PBX3: variants seen among roughly 807,000 people sequenced by gnomAD.
The protein encoded by PBX3 is PBX homeobox 3.
Under a neutral mutation model 48.5 loss-of-function variants are expected in PBX3, and 14 were observed. That is an observed-to-expected ratio of 0.29 (90% confidence interval 0.19 to 0.45). PBX3 has a LOEUF of 0.45. Among genes scored for constraint, PBX3 ranks in the 20% least tolerant of loss-of-function variants. PBX3 has a pLI of 1.00. For missense variants in PBX3, 386 were observed against 546.7 expected (o/e 0.71, Z 2.93); for synonymous variants, 210 against 200.3 (o/e 1.05, Z -0.41).
chr9:125,784,754 T>G (rs1837417056), intron 2 of PBX3, among the ~76,000 whole-genome samples: 1 of 152,150 alleles, frequency 6.6e-6, no homozygotes, highest in South Asian at 2.1e-4. Context: ...AAAAACCCCT[T>G]TCTCAGCCTT....
At chr9:125,824,123 G>A (rs1838739864) in intron 2 of PBX3, among the ~76,000 whole-genome samples, 1 of 151,810 alleles carries the variant, frequency 6.6e-6, no homozygotes. Flanking sequence ...ATTTTTATGA[G>A]CTTGATGCCA....
At chr9:125,868,786 A>G (rs554846781) in intron 2 of PBX3, among the ~76,000 whole-genome samples, 1 of 152,190 alleles carries the variant, frequency 6.6e-6, no homozygotes, top group Non-Finnish European at 1.5e-5. Flanking sequence ...ATGGCCCAAG[A>G]AGGTTCATGA....
At chr9:125,779,924 G>C (rs1237836309) in intron 2 of PBX3, among the ~76,000 whole-genome samples, 1 of 130,116 alleles carries the variant, frequency 7.7e-6, no homozygotes, top group African/African-American at 2.9e-5. Flanking sequence ...CGGGGCGTCT[G>C]GCCGGGCGGG....
In PBX3 at chr9:125,915,670, C is replaced by T; in HGVS notation, c.275-16C>T. 6.3e-7 allele frequency: 1 copy of T among 1,591,422 alleles called. No individual in the cohort carries two copies. Among genetic ancestry groups the T allele is most frequent in the Non-Finnish European group, 8.6e-7 (1 of 1,166,030 alleles). ...TCGCTTCTTCTCTCTCTGTCTCTCTCTCTCTTTCCTTGAAGGTCTCAGCAT... is the reference window on the plus strand; with the variant it reads ...TCGCTTCTTCTCTCTCTGTCTCTCTTTCTCTTTCCTTGAAGGTCTCAGCAT... On this transcript the variant is annotated splice_polypyrimidine_tract_variant and intron_variant, in intron 2 of 8. Transcript: ENST00000373489.
intron 2 of PBX3, among the ~76,000 whole-genome samples, chr9:125,836,493 C>A (rs1839140302): frequency 6.6e-6 from 1 of 151,924 alleles, no homozygotes; most frequent in South Asian, 2.1e-4. Context: ...ATGGTTGCCA[C>A]AGGGTGGGAA....
At chr9:125,921,500 T>C (rs1687579559) in intron 3 of PBX3, among the ~76,000 whole-genome samples, 1 of 152,168 alleles carries the variant, frequency 6.6e-6, no homozygotes, top group Non-Finnish European at 1.5e-5. Context: ...TTACTGAGTA[T>C]TAATTATGCT....
chr9:125,748,399 G>A (rs1836267988), intron 1 of PBX3, 151 bp from the exon 2 acceptor site: 3 of 1,407,036 alleles, frequency 2.1e-6, no homozygotes, highest in Non-Finnish European at 1.9e-6. Context: ...TCGGGAACTA[G>A]TCAACTGGAG....
chr9:125,836,129 T>A (rs1440475845), intron 2 of PBX3, among the ~76,000 whole-genome samples: 1 of 152,158 alleles, frequency 6.6e-6, no homozygotes, highest in Non-Finnish European at 1.5e-5. Context: ...TCCCATGTTC[T>A]CACTGATAAG....
chr9:125,812,110 C>G (rs550572702), intron 2 of PBX3, among the ~76,000 whole-genome samples: 2 of 152,294 alleles, frequency 1.3e-5, no homozygotes, highest in African/African-American at 2.4e-5. Flanking sequence ...CCACAGGTGC[C>G]TTGATCTTGG....
intron 2 of PBX3, among the ~76,000 whole-genome samples, chr9:125,903,327 AC>A (rs1840994664): frequency 6.6e-6 from 1 of 151,850 alleles, no homozygotes; most frequent in African/African-American, 2.4e-5. Context: ...AGACATAAAA[AC>A]AAAAAACTCA....
chr9:125,942,045 T>A (rs1177101489), intron 5 of PBX3, among the ~76,000 whole-genome samples: 2 of 152,222 alleles, frequency 1.3e-5, no homozygotes, highest in African/African-American at 4.8e-5. Context: ...AACCAACATA[T>A]TTTAGAGCTC....
At chr9:125,867,965 T>TC (rs1462219939) in intron 2 of PBX3, among the ~76,000 whole-genome samples, 2 of 152,150 alleles carry the variant, frequency 1.3e-5, no homozygotes, top group African/African-American at 4.8e-5. Flanking sequence ...AACCCTGACC[T>TC]CCTGGTCTCA....
intron 2 of PBX3, among the ~76,000 whole-genome samples, chr9:125,897,726 A>C (rs980141858): frequency 1.3e-5 from 2 of 152,020 alleles, no homozygotes; most frequent in East Asian, 3.9e-4. Flanking sequence ...ACAGCATTAA[A>C]GTTTATGGGA....
rs368435577 is a variant in PBX3 at position 125,855,450 on chromosome 9, T to C, written c.275-60236T>C. Reference sequence around the variant, plus strand: ...ATAAACTTCTTCTAATATGTAGTATTAGTGCTTCCTATTGGTATATGTTTT... The same window carrying C: ...ATAAACTTCTTCTAATATGTAGTATCAGTGCTTCCTATTGGTATATGTTTT... On this transcript the variant is annotated intron_variant, in intron 2 of 8. Coordinates refer to ENST00000373489, the MANE Select transcript of PBX3 (RefSeq NM_006195.6). Among the ~76,000 whole-genome samples the C allele has an allele frequency of 9.9e-5, 15 of 152,284 alleles. No individual in the cohort carries two copies. The South Asian group carries it at 2.9e-3, about 29-fold the overall frequency.
At chr9:125,950,496 T>TTTTTA (rs398012266) in intron 5 of PBX3, among the ~76,000 whole-genome samples, 1 of 151,762 alleles carries the variant, frequency 6.6e-6, no homozygotes, top group Non-Finnish European at 1.5e-5. Flanking sequence ...TTTTTTTTTT[T>TTTTTA]GAGACTGAGT....
At chr9:125,913,592 T>A (rs7856095) in intron 2 of PBX3, among the ~76,000 whole-genome samples, 111,018 of 152,028 alleles carry the variant, frequency 0.73, 40,964 homozygotes, top group African/African-American at 0.81. Flanking sequence ...CTTGTATGTT[T>A]GTCATTGAGC....
intron 2 of PBX3, among the ~76,000 whole-genome samples, chr9:125,773,099 G>A (rs1482301802): frequency 6.6e-6 from 1 of 152,138 alleles, no homozygotes; most frequent in African/African-American, 2.4e-5. Flanking sequence ...GTTCAAACAA[G>A]GGATTGATCT....
intron 2 of PBX3, among the ~76,000 whole-genome samples, chr9:125,750,046 T>TC (rs1181052226): frequency 6.6e-6 from 1 of 152,226 alleles, no homozygotes; most frequent in Non-Finnish European, 1.5e-5. Flanking sequence ...ATAATTTTTA[T>TC]CTGACTGTAA....
intron 2 of PBX3, among the ~76,000 whole-genome samples, chr9:125,755,456 A>G (rs530292885): frequency 6.6e-6 from 1 of 152,250 alleles, no homozygotes; most frequent in African/African-American, 2.4e-5. Context: ...CAGTTTTGCA[A>G]TGCAAAGTGG....
Sources: gnomAD v4.1 joint callset for allele counts (sites outside exome capture counted in the v4.1 genomes callset) on GRCh38, gnomAD v4.1.1 for gene constraint, MANE v1.5 for transcripts, NCBI Gene and HGNC (gene_info 2026-07-23, HGNC 2026-07-21) for gene names.